Variants in MYO18A observed in about 807,000 individuals in gnomAD.
MYO18A encodes the protein myosin XVIIIA.
A neutral mutation model predicts 235.8 loss-of-function variants in MYO18A; 78 were observed. That is an observed-to-expected ratio of 0.33 (90% confidence interval 0.28 to 0.40). The LOEUF is 0.40. MYO18A is among the 10% of genes least tolerant of loss of function. MYO18A has a pLI of 1.00. For missense variants in MYO18A, 2,215 were observed against 2,699.3 expected (o/e 0.82, Z 3.98); for synonymous variants, 977 against 1,077.8 (o/e 0.91, Z 1.83).
At position 29,074,026 on chromosome 17, in the gene MYO18A, T is replaced by C. The variant is rs751412854; in HGVS notation, c.*744A>G. On this transcript the variant is annotated 3_prime_UTR_variant, in exon 42 of 42. Transcript: ENST00000527372. This position sits in a 1 kb window ranked among gnomAD's most constrained non-coding sequence, Gnocchi z 4.4. ...AAGAGGGTGGGGTGGGGGCTGGAGG[T>C]GCGGATGGTCCACACACACACTTGT... is the stretch of plus-strand genomic sequence containing the variant. The C allele has an allele frequency of 5.0e-6, 8 of 1,613,274 alleles. No homozygotes were observed. The Admixed American group carries it at 1.3e-4, about 27-fold the overall frequency.
Position 29,120,727 on chromosome 17 carries a change from C to T in MYO18A, c.1617G>A (p.Leu539=), listed in dbSNP as rs1047385244. 6.2e-7 allele frequency: 1 copy of T among 1,613,860 alleles called. No homozygotes were observed. The highest frequency in any genetic ancestry group is 1.1e-5 in the South Asian group (1 of 91,074). ...VEKWQALYTL[L]EAFGNSPTII... ...TGGTGGGGCTGTTCCCAAAGGCTTC[C>T]AGGAGGGTGTACAGAGCCTGCCACT... is the stretch of plus-strand genomic sequence containing the variant. The change falls in exon 7 of 42, where the codon CTG becomes CTA. Residue 539 remains leucine, a synonymous_variant. Transcript: ENST00000527372. The surrounding 1 kb of genome is among the most constrained non-coding windows in gnomAD (Gnocchi z 4.2).
Position 29,073,917 on chromosome 17 carries a change from A to T in MYO18A, c.*853T>A, listed in dbSNP as rs549484804. ...AGACCACCTGGACAGAGCAGGAGGGAGGCAGTGCTTGGATCAGCCCTGAAC... is the reference window on the plus strand; with the variant it reads ...AGACCACCTGGACAGAGCAGGAGGGTGGCAGTGCTTGGATCAGCCCTGAAC... On this transcript the variant is annotated 3_prime_UTR_variant, in exon 42 of 42. Coordinates refer to ENST00000527372, the MANE Select transcript of MYO18A (RefSeq NM_078471.4). 6.2e-7 allele frequency: 1 copy of T among 1,613,814 alleles called. No individual in the cohort carries two copies. Among genetic ancestry groups the T allele is most frequent in the South Asian group, 1.1e-5 (1 of 91,078 alleles).
At chr17:29,091,989 C>T (rs1186928378) in intron 34 of MYO18A, 1 of 350,890 alleles carries the variant, frequency 2.8e-6, no homozygotes, top group Non-Finnish European at 5.4e-6. Context: ...GCCATCCTGT[C>T]CTCTTATCTG....
chr17:29,094,507 C>T (rs2066474403), intron 30 of MYO18A, 143 bp downstream of exon 30: 3 of 828,030 alleles, frequency 3.6e-6, no homozygotes, highest in African/African-American at 1.7e-5. Context: ...ATCAGGTGCT[C>T]ACTCCACATT....
chr17:29,175,738 G>A (rs8071887), intron 1 of MYO18A, among the ~76,000 whole-genome samples: 96,458 of 151,850 alleles, frequency 0.64, 31,795 homozygotes, highest in East Asian at 0.88. Context: ...AACATATATA[G>A]TGCCTAAAAT....
At chr17:29,164,882 A>G (rs900232859) in intron 2 of MYO18A, among the ~76,000 whole-genome samples, 1 of 152,222 alleles carries the variant, frequency 6.6e-6, no homozygotes, top group Non-Finnish European at 1.5e-5. Flanking sequence ...TCTCAGTGAC[A>G]GTCAGGACAT....
chr17:29,173,206 C>A (rs1432208852), intron 1 of MYO18A, among the ~76,000 whole-genome samples: 1 of 151,788 alleles, frequency 6.6e-6, no homozygotes, highest in Non-Finnish European at 1.5e-5. Context: ...AATTCTCCTG[C>A]CTCAGCCTCC....
intron 22 of MYO18A, 77 bp downstream of exon 22, chr17:29,099,557 C>A (rs767227589): frequency 1.8e-5 from 28 of 1,541,150 alleles, no homozygotes; most frequent in Non-Finnish European, 2.4e-5. Flanking sequence ...CTCTTCTCCC[C>A]CTTATAGCCC....
intron 21 of MYO18A, among the ~76,000 whole-genome samples, chr17:29,100,722 A>C (rs1481306852): frequency 6.6e-6 from 1 of 152,240 alleles, no homozygotes; most frequent in Non-Finnish European, 1.5e-5. Context: ...TCCTTTTTGT[A>C]GGGCAAAGAG....
chr17:29,119,214 A>G (rs983399710), intron 8 of MYO18A, 121 bp downstream of exon 8: 1 of 697,772 alleles, frequency 1.4e-6, no homozygotes. Context: ...GCAGACATGC[A>G]CTGACCAAAC....
chr17:29,138,695 T>G (rs1016335124), intron 2 of MYO18A, among the ~76,000 whole-genome samples: 1 of 152,152 alleles, frequency 6.6e-6, no homozygotes, highest in African/African-American at 2.4e-5. Context: ...ACTTTACAAA[T>G]GAGCAAAAGG....
rs368548075 is a variant in MYO18A at position 29,120,808 on chromosome 17, T to A, written c.1586-50A>T. On this transcript the variant is annotated intron_variant, in intron 6 of 41. Transcript: ENST00000527372. The surrounding 1 kb of genome is among the most constrained non-coding windows in gnomAD (Gnocchi z 4.2). Reference sequence around the variant, plus strand: ...TATCAGGAAAGCCAGGGGCAGCTTATCCCCCAGCTAGGAGCTACCCCAGAG... The same window carrying A: ...TATCAGGAAAGCCAGGGGCAGCTTAACCCCCAGCTAGGAGCTACCCCAGAG... 3.3e-5 allele frequency: 52 copies of A among 1,591,290 alleles called. No homozygotes were observed. Among genetic ancestry groups the A allele is most frequent in the Middle Eastern group, 1.8e-4 (1 of 5,436 alleles).
In MYO18A at chr17:29,180,021, T is replaced by C. The variant is rs1367603157; in HGVS notation, c.-82+292A>G. Among the ~76,000 whole-genome samples the C allele has an allele frequency of 1.5e-5, 2 of 136,894 alleles. No individual in the cohort carries two copies. Among genetic ancestry groups the C allele is most frequent in the African/African-American group, 5.6e-5 (2 of 36,032 alleles). 89.8% of individuals were successfully genotyped at this position (136,894 alleles called of 152,430 possible). Reference sequence around the variant, plus strand: ...CTCCAAGCCCCAAATCCCCCCACACTGAAGGCCACCCTGTCCTGCCTCCCT... The same window carrying C: ...CTCCAAGCCCCAAATCCCCCCACACCGAAGGCCACCCTGTCCTGCCTCCCT... On this transcript the variant is annotated intron_variant, in intron 1 of 41. Coordinates refer to ENST00000527372, the MANE Select transcript of MYO18A (RefSeq NM_078471.4). The surrounding 1 kb of genome is among the most constrained non-coding windows in gnomAD (Gnocchi z 6.1).
chr17:29,177,216 C>T (rs924538029), intron 1 of MYO18A, among the ~76,000 whole-genome samples: 1 of 152,218 alleles, frequency 6.6e-6, no homozygotes, highest in Non-Finnish European at 1.5e-5. Context: ...CGCTCTGCCT[C>T]TGACTTGCTG....
Position 29,074,797 on chromosome 17 carries a change from C to G in MYO18A, c.6138G>C (p.Glu2046Asp). Reference sequence around the variant, plus strand: ...ATGCGTTAGTCTCCGTCAGCTTGGCCTCTGTGTCGCTGTCACTCAGATAAC... The same window carrying G: ...ATGCGTTAGTCTCCGTCAGCTTGGCGTCTGTGTCGCTGTCACTCAGATAAC... ...SHSYLSDSDT[E>D]AKLTETNA Residue 2046 changes from glutamate to aspartate, a missense_variant, in exon 42 of 42, where the codon GAG becomes GAC. Transcript: ENST00000527372. The surrounding 1 kb of genome is among the most constrained non-coding windows in gnomAD (Gnocchi z 4.4). The G allele has an allele frequency of 6.2e-7, 1 of 1,613,992 alleles. No homozygotes were observed. The highest frequency in any genetic ancestry group is 8.5e-7 in the Non-Finnish European group (1 of 1,179,898).
chr17:29,098,682 C>T lies in MYO18A; in HGVS notation c.3780+144G>A. ...AGGCTGTCCAGGGGCTCAGCCAGCA[C>T]CCCAGAGGGACATCTTCTATTTGAT... On this transcript the variant is annotated intron_variant, in intron 23 of 41. Transcript: ENST00000527372. The T allele has an allele frequency of 2.4e-6, 3 of 1,246,470 alleles. 1 individual carries two copies. The South Asian group carries it at 4.5e-5, about 19-fold the overall frequency. 77.2% of individuals were successfully genotyped at this position (1,246,470 alleles called of 1,614,324 possible).
At position 29,121,774 on chromosome 17, in the gene MYO18A, G is replaced by A. The variant is rs1304579752; in HGVS notation, c.1195-51C>T. 2.0e-5 allele frequency: 32 copies of A among 1,603,034 alleles called. No homozygotes were observed. Among genetic ancestry groups the A allele is most frequent in the Non-Finnish European group, 2.5e-5 (29 of 1,173,344 alleles). On this transcript the variant is annotated intron_variant, in intron 4 of 41. Coordinates refer to ENST00000527372, the MANE Select transcript of MYO18A (RefSeq NM_078471.4). The surrounding 1 kb of genome is among the most constrained non-coding windows in gnomAD (Gnocchi z 4.2). The stretch of plus-strand genomic sequence containing the variant: ...TATTAGAGCAGCAGAGCCCATCTCC[G>A]CTGCCAGAGGATGGGCCTGCCCTGC...
intron 37 of MYO18A, among the ~76,000 whole-genome samples, chr17:29,087,876 C>T (rs2066294101): frequency 6.6e-6 from 1 of 151,730 alleles, no homozygotes; most frequent in African/African-American, 2.4e-5. Flanking sequence ...GGGACTAGGC[C>T]CAAGAGAAAA....
rs2068286753 is a variant in MYO18A at position 29,166,454 on chromosome 17, G to T, written c.487C>A (p.Pro163Thr). 6.2e-7 allele frequency: 1 copy of T among 1,613,788 alleles called. No individual in the cohort carries two copies. The highest frequency in any genetic ancestry group is 8.5e-7 in the Non-Finnish European group (1 of 1,179,890). Residue 163 changes from proline (P) to threonine (T), a missense_variant, in exon 2 of 42, where the codon CCC becomes ACC. Pro to Thr is a conservative substitution (Grantham distance 38). Transcript: ENST00000527372. ...GTCCTCACCTCCACCTGTGGCGAGG[G>T]GGCGGCAGAGTGCTCTGAGGGCGTC... ...TSTPSEHSAA[P>T]SPQVEVRTLE...
Sources: allele counts gnomAD v4.1 joint callset (sites outside exome capture counted in the v4.1 genomes callset), GRCh38; gene constraint gnomAD v4.1.1; non-coding constraint Gnocchi (gnomAD v3.1); transcripts MANE v1.5; gene names NCBI Gene and HGNC (gene_info 2026-07-23, HGNC 2026-07-21).